The following SLC25A48 variants were observed in gnomAD, a reference collection of about 807,000 sequenced individuals.
The protein encoded by SLC25A48 is CTC-321K16.1.
A neutral mutation model predicts 32.2 loss-of-function variants in SLC25A48; 29 were observed. That is an observed-to-expected ratio of 0.90 (90% CI 0.67 to 1.23). The LOEUF is 1.23. Among genes scored for constraint, SLC25A48 ranks in the 50% most tolerant of loss-of-function variants. The probability of loss-of-function intolerance (pLI) is 0.00; values close to 1 mark genes in which losing one functional copy is unlikely to be tolerated. For synonymous variants in SLC25A48, 164 were observed against 172.3 expected (o/e 0.95, Z 0.38); for missense variants, 399 against 422.7 (o/e 0.94, Z 0.49).
chr5:135,874,823 C>A lies in SLC25A48; in HGVS notation c.813+669C>A, dbSNP rs931863238. 9 of 563,466 alleles carry A rather than the reference C, an allele frequency of 1.6e-5. No homozygotes were observed. In the East Asian group the frequency reaches 2.9e-4, roughly 18 times the overall value. 34.9% of individuals were successfully genotyped at this position (563,466 alleles called of 1,614,324 possible). The stretch of plus-strand genomic sequence containing the variant: ...TGTCCAAGGTAATACACAGATTCAT[C>A]ACCCTCCGCAGGAACTATCCTGCTG... On this transcript the variant is annotated intron_variant, in intron 6 of 7. Coordinates refer to ENST00000681962, the MANE Select transcript of SLC25A48 (RefSeq NM_001349336.2).
At chr5:135,738,451 C>T (rs143526286) in intron 3 of SLC25A48, among the ~76,000 whole-genome samples, 1 of 152,308 alleles carries the variant, frequency 6.6e-6, no homozygotes, top group Non-Finnish European at 1.5e-5. Flanking sequence ...GAAGAGGTGA[C>T]ATTTGCTGCA....
Position 135,888,017 on chromosome 5 carries a change from G to A in SLC25A48, c.*8-15G>A. Reference sequence around the variant, plus strand: ...CTGCCTTCTTCTCTGAGTCTGGGTTGTTTGCTGTTTCCAGGAGGTGAACAC... The same window carrying A: ...CTGCCTTCTTCTCTGAGTCTGGGTTATTTGCTGTTTCCAGGAGGTGAACAC... On this transcript the variant is annotated splice_polypyrimidine_tract_variant and intron_variant, in intron 7 of 7. Coordinates refer to ENST00000681962, the MANE Select transcript of SLC25A48 (RefSeq NM_001349336.2). 3 of 1,551,188 alleles carry A rather than the reference G, an allele frequency of 1.9e-6. No homozygotes were observed. Among genetic ancestry groups the A allele is most frequent in the Non-Finnish European group, 2.6e-6 (3 of 1,146,426 alleles).
chr5:135,886,615 ATATATATATATATATATAT>A lies in SLC25A48; in HGVS notation c.*8-1416_*8-1398del, dbSNP rs1561567621. Among the ~76,000 whole-genome samples the A allele has an allele frequency of 9.9e-3, 347 of 34,936 alleles. 26 individuals are homozygous for A. Among genetic ancestry groups the A allele is most frequent in the African/African-American group, 0.045 (267 of 5,958 alleles). The allele number at this position is 34,936 out of a possible 152,430, so 22.9% of individuals were successfully genotyped here. On this transcript the variant is annotated intron_variant, in intron 7 of 7. Transcript: ENST00000681962. ...TATATATATATATATATATATATAT[ATATATATATATATATATAT>A]ATAAAATATATATATGTGTGTGTGT...
rs1756704599 is a variant in SLC25A48 at position 135,780,982 on chromosome 5, T to G, written c.-520-31541T>G. Among the ~76,000 whole-genome samples the G allele has an allele frequency of 1.7e-5, 2 of 116,726 alleles. 1 individual carries two copies. The highest frequency in any genetic ancestry group is 5.2e-5 in the African/African-American group (2 of 38,338). 76.6% of individuals were successfully genotyped at this position (116,726 alleles called of 152,430 possible). ...ATTACTCCAAATATCTCAGGGAGTG[T>G]ACACTACCCCTATATATTGTTCCTA... is the stretch of plus-strand genomic sequence containing the variant. On this transcript the variant is annotated intron_variant, in intron 3 of 10. Coordinates refer to the SLC25A48 transcript ENST00000646290.
chr5:135,694,422 A>G (rs1241568954), intron 3 of SLC25A48, among the ~76,000 whole-genome samples: 2 of 152,138 alleles, frequency 1.3e-5, no homozygotes, highest in Non-Finnish European at 2.9e-5. Context: ...CATCCTTTAT[A>G]TATTTACATA....
chr5:135,850,443 G>A lies in SLC25A48; in HGVS notation c.109G>A (p.Val37Ile), dbSNP rs1261669597. The stretch of plus-strand genomic sequence containing the variant: ...TCCATAGACTCGCCTGCAGGCTGGC[G>A]TTGGCTACGGAAACACCCTCAGCTG... ...DTVKTRLQAG[V>I]GYGNTLSCIR... is the part of the protein sequence containing the mutation. The change falls in exon 3 of 8, where the codon GTT (valine) becomes ATT (isoleucine). Residue 37 changes from valine (V) to isoleucine (I), a missense_variant. Val to Ile is a conservative substitution (Grantham distance 29). Coordinates refer to ENST00000681962, the MANE Select transcript of SLC25A48 (RefSeq NM_001349336.2). 2.2e-5 allele frequency: 36 copies of A among 1,614,046 alleles called. No individual in the cohort carries two copies. The highest frequency in any genetic ancestry group is 2.3e-5 in the Non-Finnish European group (27 of 1,180,036).
intron 1 of SLC25A48, among the ~76,000 whole-genome samples, chr5:135,599,302 A>C (rs894054432): frequency 1.3e-5 from 2 of 152,120 alleles, no homozygotes; most frequent in African/African-American, 2.4e-5. Flanking sequence ...GGGAACTGCT[A>C]TCTGAGTCTG....
intron 4 of SLC25A48, among the ~76,000 whole-genome samples, chr5:135,857,657 G>A (rs541590614): frequency 1.5e-4 from 23 of 152,330 alleles, no homozygotes; most frequent in African/African-American, 4.8e-4. Flanking sequence ...AGCCAGAGAG[G>A]AACTGGGTGC....
intron 3 of SLC25A48, chr5:135,746,261 C>A: frequency 6.0e-6 from 1 of 165,870 alleles, no homozygotes; most frequent in South Asian, 1.5e-4. Flanking sequence ...TTACCCGGGT[C>A]TGGGGTAGCC....
chr5:135,679,431 C>G (rs544377387), intron 3 of SLC25A48, among the ~76,000 whole-genome samples: 2 of 152,126 alleles, frequency 1.3e-5, no homozygotes, highest in African/African-American at 4.8e-5. Flanking sequence ...AATGCTTGGG[C>G]GGTGGTGGTA....
At chr5:135,750,580 T>C (rs1755746268) in intron 3 of SLC25A48, among the ~76,000 whole-genome samples, 1 of 152,126 alleles carries the variant, frequency 6.6e-6, no homozygotes, top group Non-Finnish European at 1.5e-5. Flanking sequence ...AGACACAGAC[T>C]CCACCTCTTG....
intron 3 of SLC25A48, among the ~76,000 whole-genome samples, chr5:135,689,576 A>T (rs1183549067): frequency 6.6e-6 from 1 of 151,878 alleles, no homozygotes; most frequent in Non-Finnish European, 1.5e-5. Flanking sequence ...GCCTTTTCAA[A>T]GATCTATTTT....
chr5:135,880,206 C>A, intron 7 of SLC25A48, 109 bp downstream of exon 7: 1 of 1,411,336 alleles, frequency 7.1e-7, no homozygotes, highest in Non-Finnish European at 9.3e-7. Context: ...TTGTTTGTCA[C>A]ATATCTAATC....
intron 1 of SLC25A48, among the ~76,000 whole-genome samples, chr5:135,598,049 A>G (rs550546130): frequency 1.3e-5 from 2 of 152,100 alleles, no homozygotes; most frequent in East Asian, 1.9e-4. Context: ...CAAACAAACA[A>G]AAGCAACGTC....
chr5:135,834,350 G>T (rs1758324992), upstream of SLC25A48, among the ~76,000 whole-genome samples: 1 of 152,212 alleles, frequency 6.6e-6, no homozygotes. Context: ...GAACAAAAAG[G>T]CATCACTGCC....
intron 3 of SLC25A48, among the ~76,000 whole-genome samples, chr5:135,680,841 A>G (rs1580780171): frequency 1.3e-5 from 2 of 152,168 alleles, no homozygotes; most frequent in African/African-American, 4.8e-5. Flanking sequence ...TATTTCTTTA[A>G]GCAATTTTTT....
At position 135,880,061 on chromosome 5, in the gene SLC25A48, C is replaced by T. The variant is rs756581306; in HGVS notation, c.907C>T (p.Arg303Cys). ...LGYELSLQAI[R>C]GDHAVTSP is the part of the protein sequence containing the mutation. ...GTACGAGCTGTCGCTGCAGGCTATC[C>T]GCGGGGACCACGCAGTGACGAGCCC... Residue 303 changes from arginine (R) to cysteine (C), a missense_variant, in exon 7 of 8, where the codon CGC (arginine) becomes TGC (cysteine). Coordinates refer to ENST00000681962, the MANE Select transcript of SLC25A48 (RefSeq NM_001349336.2). 9.9e-5 allele frequency: 152 copies of T among 1,536,036 alleles called. No homozygotes were observed. Among genetic ancestry groups the T allele is most frequent in the Admixed American group, 2.2e-4 (11 of 50,976 alleles).
intron 3 of SLC25A48, among the ~76,000 whole-genome samples, chr5:135,851,992 G>T (rs1227434970): frequency 6.6e-6 from 1 of 152,274 alleles, no homozygotes; most frequent in East Asian, 1.9e-4. Context: ...CACCCCTCGG[G>T]GGTCTAGGGA....
At chr5:135,667,769 A>C (rs1392979671) in intron 3 of SLC25A48, among the ~76,000 whole-genome samples, 1 of 152,236 alleles carries the variant, frequency 6.6e-6, no homozygotes, top group Non-Finnish European at 1.5e-5. Context: ...GCCATAAAAA[A>C]TCCTGTCATT....
Sources: gnomAD v4.1 joint callset for allele counts (sites outside exome capture counted in the v4.1 genomes callset) on GRCh38, gnomAD v4.1.1 for gene constraint, MANE v1.5 for transcripts, NCBI Gene and HGNC (gene_info 2026-07-23, HGNC 2026-07-21) for gene names.